Variants in SIPA1L3 observed in about 807,000 individuals in gnomAD.
The protein encoded by SIPA1L3 is signal induced proliferation associated 1 like 3.
SIPA1L3 carries 59 observed loss-of-function variants against 150.1 expected under a neutral mutation model. The ratio of observed to expected loss-of-function variants is 0.39; its 90% CI spans 0.32 to 0.49. The LOEUF is 0.49. Among genes scored for constraint, SIPA1L3 ranks in the 20% least tolerant of loss-of-function variants. SIPA1L3 has a pLI of 0.86. For synonymous variants in SIPA1L3, 1,070 were observed against 1,077.6 expected (o/e 0.99, Z 0.14); for missense variants, 2,211 against 2,489.5 (o/e 0.89, Z 2.38).
At chr19:37,965,157 A>G (rs2046891959) in intron 1 of SIPA1L3, among the ~76,000 whole-genome samples, 1 of 152,158 alleles carries the variant, frequency 6.6e-6, no homozygotes, top group Non-Finnish European at 1.5e-5. Flanking sequence ...TTTTCTGGCA[A>G]GGGGTTCTAT....
intron 8 of SIPA1L3, among the ~76,000 whole-genome samples, chr19:38,117,313 C>T (rs184179896): frequency 6.6e-6 from 1 of 152,260 alleles, no homozygotes; most frequent in Admixed American, 6.5e-5. Flanking sequence ...TCCCAGTCCG[C>T]TCGCTGCTAT....
At chr19:38,103,742 T>A (rs1336471225) in intron 6 of SIPA1L3, among the ~76,000 whole-genome samples, 1 of 149,824 alleles carries the variant, frequency 6.7e-6, no homozygotes, top group African/African-American at 2.5e-5. Context: ...GCTAACAGGG[T>A]GAAACACCGT....
chr19:37,966,447 T>C (rs748220710), intron 1 of SIPA1L3, among the ~76,000 whole-genome samples: 2 of 152,212 alleles, frequency 1.3e-5, no homozygotes, highest in Non-Finnish European at 2.9e-5. Context: ...AGGAATGTTA[T>C]GAGACCAGCA....
At chr19:38,104,513 C>T (rs1287969795) in intron 6 of SIPA1L3, among the ~76,000 whole-genome samples, 3 of 152,154 alleles carry the variant, frequency 2.0e-5, no homozygotes, top group Non-Finnish European at 4.4e-5. Flanking sequence ...AGGCAGCAGG[C>T]CTCCCTGGGC....
chr19:37,976,667 T>A (rs116482924), intron 1 of SIPA1L3, among the ~76,000 whole-genome samples: 1,543 of 152,214 alleles, frequency 0.01, 35 homozygotes, highest in African/African-American at 0.036. Flanking sequence ...ATCTCAAGCT[T>A]TCTGTGCATC....
chr19:38,040,972 C>T (rs1968906009), intron 2 of SIPA1L3, among the ~76,000 whole-genome samples: 1 of 151,978 alleles, frequency 6.6e-6, no homozygotes, highest in African/African-American at 2.4e-5. Context: ...ACCGTGTTAG[C>T]CAGGATGGTC....
intron 2 of SIPA1L3, among the ~76,000 whole-genome samples, chr19:38,042,145 T>C (rs1968940774): frequency 6.6e-6 from 1 of 152,238 alleles, no homozygotes; most frequent in Admixed American, 6.5e-5. Flanking sequence ...TGAGGAGCTT[T>C]CCGCCATGTT....
intron 1 of SIPA1L3, among the ~76,000 whole-genome samples, chr19:37,926,867 A>G (rs1253744675): frequency 1.3e-5 from 2 of 152,252 alleles, no homozygotes; most frequent in South Asian, 2.1e-4. Flanking sequence ...TGCATGCAAG[A>G]CACTGTGCCG....
At chr19:38,197,189 G>A (rs1972977410) in intron 18 of SIPA1L3, among the ~76,000 whole-genome samples, 1 of 152,096 alleles carries the variant, frequency 6.6e-6, no homozygotes, top group Admixed American at 6.5e-5. Flanking sequence ...GCACAGAGGA[G>A]GTGCCGGGAA....
At chr19:37,930,306 C>T (rs1354232399) in intron 1 of SIPA1L3, among the ~76,000 whole-genome samples, 1 of 151,988 alleles carries the variant, frequency 6.6e-6, no homozygotes, top group Non-Finnish European at 1.5e-5. Flanking sequence ...GCCACCGTGC[C>T]CAGCCCATGC....
At chr19:38,052,684 A>G (rs1969224074) in intron 2 of SIPA1L3, among the ~76,000 whole-genome samples, 1 of 152,256 alleles carries the variant, frequency 6.6e-6, no homozygotes, top group Non-Finnish European at 1.5e-5. Context: ...AGTGACAGGC[A>G]CCATCCCTGG....
intron 1 of SIPA1L3, among the ~76,000 whole-genome samples, chr19:37,965,223 T>C (rs1568481880): frequency 1.3e-5 from 2 of 152,294 alleles, no homozygotes; most frequent in African/African-American, 4.8e-5. Context: ...TCTCTAGCCA[T>C]AATTTTGGTC....
chr19:38,164,771 A>G lies in SIPA1L3; in HGVS notation c.4073A>G (p.Asp1358Gly). Reference sequence around the variant, plus strand: ...GCCGCTGGGAGGTCCCACCACGCAGACAGGCGGCGGGAGGTCTCCCCTGCC... The same window carrying G: ...GCCGCTGGGAGGTCCCACCACGCAGGCAGGCGGCGGGAGGTCTCCCCTGCC... ...REAAGRSHHA[D>G]RRREVSPAPA... The change falls in exon 15 of 22, where the codon GAC becomes GGC. Residue 1358 changes from aspartate (D) to glycine (G), a missense_variant. Physicochemically the swap from Asp to Gly is moderately conservative, Grantham distance 94. This residue lies in a region of SIPA1L3 where 806 missense variants were observed against 870.1 expected (regional missense o/e 0.93). Transcript: ENST00000222345. The surrounding 1 kb of genome is among the most constrained non-coding windows in gnomAD (Gnocchi z 4.1). 6.2e-7 allele frequency: 1 copy of G among 1,612,758 alleles called. No homozygotes were observed. The highest frequency in any genetic ancestry group is 8.5e-7 in the Non-Finnish European group (1 of 1,179,524).
At chr19:37,928,543 C>T (rs2046526347) in intron 1 of SIPA1L3, among the ~76,000 whole-genome samples, 2 of 152,098 alleles carry the variant, frequency 1.3e-5, no homozygotes, top group Admixed American at 1.3e-4. Flanking sequence ...CCACTGCACT[C>T]CAGCCTGCGC....
intron 1 of SIPA1L3, among the ~76,000 whole-genome samples, chr19:37,928,474 G>A (rs1452803384): frequency 2.0e-5 from 3 of 152,150 alleles, no homozygotes; most frequent in Non-Finnish European, 4.4e-5. Context: ...GAGAGGCTGA[G>A]GCAGGAGAAT....
At position 38,193,612 on chromosome 19, in the gene SIPA1L3, G is replaced by A. The variant is rs375056658; in HGVS notation, c.4672G>A (p.Ala1558Thr). 2.0e-5 allele frequency: 31 copies of A among 1,564,052 alleles called. No homozygotes were observed. The highest frequency in any genetic ancestry group is 2.5e-5 in the Non-Finnish European group (29 of 1,165,158). The stretch of plus-strand genomic sequence containing the variant: ...CAGCGGGCGCCGGGAGCCCAGCTTC[G>A]CCAGCCCCGCTGGCCTAGAGCCAGG... ...LCSGRREPSF[A>T]SPAGLEPGLP... The change falls in exon 18 of 22, where the codon GCC (alanine) becomes ACC (threonine). Residue 1558 changes from alanine (A) to threonine (T), a missense_variant. By Grantham distance (58) the Ala-to-Thr change is moderately conservative. Transcript: ENST00000222345.
chr19:37,930,595 G>A (rs2046545013), intron 1 of SIPA1L3, among the ~76,000 whole-genome samples: 1 of 152,188 alleles, frequency 6.6e-6, no homozygotes, highest in East Asian at 1.9e-4. Context: ...ACACTGTAAA[G>A]CCATTGCCCT....
At chr19:38,188,787 G>A (rs1972744032) in intron 16 of SIPA1L3, among the ~76,000 whole-genome samples, 1 of 151,866 alleles carries the variant, frequency 6.6e-6, no homozygotes, top group African/African-American at 2.4e-5. Flanking sequence ...GCCGGGCGTG[G>A]TGGCGGGCAC....
At chr19:38,162,496 T>G in intron 14 of SIPA1L3, 125 bp downstream of exon 14, 1 of 710,608 alleles carries the variant, frequency 1.4e-6, no homozygotes, top group Non-Finnish European at 2.5e-6. Flanking sequence ...GGTTGAATAC[T>G]TGGTCTGAGT....
Sources: allele counts gnomAD v4.1 joint callset (sites outside exome capture counted in the v4.1 genomes callset), GRCh38; gene constraint gnomAD v4.1.1; regional missense constraint gnomAD v4.1.1; non-coding constraint Gnocchi (gnomAD v3.1); transcripts MANE v1.5; gene names NCBI Gene and HGNC (gene_info 2026-07-23, HGNC 2026-07-21).